The following STON1 variants were observed in gnomAD, a reference collection of about 807,000 sequenced individuals.
STON1 encodes the protein stonin 1, also known as stonin-1.
A neutral mutation model predicts 60.9 loss-of-function variants in STON1; 79 were observed. The observed-to-expected ratio is 1.30, with a 90% CI of 1.08 to 1.56. STON1 has a LOEUF of 1.56. Among genes scored for constraint, STON1 ranks in the 40% most tolerant of loss-of-function variants. The pLI is 0.00. For synonymous variants in STON1, 363 were observed against 306.9 expected (o/e 1.18, Z -1.91); for missense variants, 1,166 against 858.9 (o/e 1.36, Z -4.47).
At position 48,597,447 on chromosome 2, in the gene STON1, T is replaced by C. The variant is rs1674830234; in HGVS notation, c.*2145T>C. On this transcript the variant is annotated 3_prime_UTR_variant, in exon 4 of 4. Transcript: ENST00000404752. ...CATCCTGCCCACAAAGAACTCACAGTCTGATTAGGATGAACTTAATGACTA... is the reference window on the plus strand; with the variant it reads ...CATCCTGCCCACAAAGAACTCACAGCCTGATTAGGATGAACTTAATGACTA... 1 of 152,190 alleles carries C rather than the reference T, an allele frequency of 6.6e-6. No homozygotes were observed. Among genetic ancestry groups the C allele is most frequent in the Admixed American group, 6.5e-5 (1 of 15,280 alleles). The allele number at this position is 152,190 out of a possible 1,614,324, so 9.4% of individuals were successfully genotyped here.
intron 1 of STON1, among the ~76,000 whole-genome samples, chr2:48,554,512 T>G (rs909942789): frequency 2.0e-5 from 3 of 152,152 alleles, no homozygotes; most frequent in Non-Finnish European, 2.9e-5. Flanking sequence ...CGTGAGCCAT[T>G]GCGCCCGGCC....
At chr2:48,586,349 A>T (rs531205680) in intron 2 of STON1, among the ~76,000 whole-genome samples, 9 of 152,352 alleles carry the variant, frequency 5.9e-5, no homozygotes, top group African/African-American at 1.9e-4. Flanking sequence ...TACAGACACA[A>T]ACATGATTCC....
chr2:48,585,081 C>T (rs867743144), intron 2 of STON1, among the ~76,000 whole-genome samples: 2 of 152,206 alleles, frequency 1.3e-5, no homozygotes, highest in African/African-American at 4.8e-5. Context: ...TTCAGTTCCC[C>T]CATACTAGCA....
chr2:48,539,486 G>A (rs971914102), intron 1 of STON1, among the ~76,000 whole-genome samples: 1 of 151,984 alleles, frequency 6.6e-6, no homozygotes, highest in Non-Finnish European at 1.5e-5. Context: ...TAACCCATGT[G>A]TGGTGTTATG....
In STON1 at chr2:48,581,068, A is replaced by T; in HGVS notation, c.435A>T (p.Pro145=). 6.3e-7 allele frequency: 1 copy of T among 1,597,782 alleles called. No homozygotes were observed. The highest frequency in any genetic ancestry group is 8.5e-7 in the Non-Finnish European group (1 of 1,173,716). The change falls in exon 2 of 4, where the codon CCA becomes CCT. Residue 145 remains proline, a synonymous_variant. Coordinates refer to ENST00000404752, the MANE Select transcript of STON1 (RefSeq NM_006873.4). ...LLPSDHSCTH[P]TPKVGLPDEV... ...CCAGTGACCACTCATGTACACATCC[A>T]ACTCCCAAAGTAGGTCTTCCAGATG...
chr2:48,542,868 C>A (rs1671707950), intron 1 of STON1, among the ~76,000 whole-genome samples: 1 of 151,462 alleles, frequency 6.6e-6, no homozygotes, highest in Non-Finnish European at 1.5e-5. Context: ...TGCACCAAGG[C>A]ACTCCCGCCT....
intron 1 of STON1, among the ~76,000 whole-genome samples, chr2:48,561,133 T>G (rs1170645696): frequency 6.6e-6 from 1 of 152,200 alleles, no homozygotes; most frequent in Admixed American, 6.5e-5. Flanking sequence ...CTCTAGCCCT[T>G]GGTTTTCTCT....
At chr2:48,548,570 C>G (rs1671957455) in intron 1 of STON1, among the ~76,000 whole-genome samples, 1 of 151,326 alleles carries the variant, frequency 6.6e-6, no homozygotes, top group South Asian at 2.1e-4. Flanking sequence ...GTGATCTCGG[C>G]TCACTGAAGC....
In STON1 at chr2:48,580,744, A is replaced by G. The variant is rs1673827599; in HGVS notation, c.111A>G (p.Pro37=). The G allele has an allele frequency of 3.2e-6, 5 of 1,545,208 alleles. No individual in the cohort carries two copies. The highest frequency in any genetic ancestry group is 4.4e-6 in the Non-Finnish European group (5 of 1,146,848). Residue 37 remains proline, a synonymous_variant, in exon 2 of 4, where the codon CCA becomes CCG. Coordinates refer to ENST00000404752, the MANE Select transcript of STON1 (RefSeq NM_006873.4). ...TGGAGAATCAAGGTGTCTGTAGACC[A>G]AATGGACTGAAGCTGAACCTTCCTG... is the stretch of plus-strand genomic sequence containing the variant. ...FPLENQGVCR[P]NGLKLNLPGL... is the part of the protein sequence containing the mutation.
At chr2:48,534,683 T>C (rs1671353059) in intron 1 of STON1, among the ~76,000 whole-genome samples, 1 of 152,240 alleles carries the variant, frequency 6.6e-6, no homozygotes, top group Non-Finnish European at 1.5e-5. Context: ...CTCAGGAGGC[T>C]GAGCTGGGAG....
rs147294945 is a variant in STON1 at position 48,552,292 on chromosome 2, G to A, written c.-48+22076G>A. ...ATTCCATTTATATGAGGTACTTAGA[G>A]TAGACAAATTCATGAAGACAGAAGG... is the stretch of plus-strand genomic sequence containing the variant. On this transcript the variant is annotated intron_variant, in intron 1 of 3. Coordinates refer to ENST00000404752, the MANE Select transcript of STON1 (RefSeq NM_006873.4). Among the ~76,000 whole-genome samples the A allele has an allele frequency of 3.8e-3, 581 of 152,318 alleles. 4 individuals are homozygous for A. Among genetic ancestry groups the A allele is most frequent in the African/African-American group, 0.013 (552 of 41,570 alleles).
chr2:48,578,850 C>A (rs1386244431), intron 1 of STON1, among the ~76,000 whole-genome samples: 1 of 151,996 alleles, frequency 6.6e-6, no homozygotes, highest in East Asian at 1.9e-4. Flanking sequence ...CTTGGCCTCC[C>A]AAAGTGCTGG....
At chr2:48,538,763 A>ATTTTTT (rs34052598) in intron 1 of STON1, among the ~76,000 whole-genome samples, 3 of 86,370 alleles carry the variant, frequency 3.5e-5, no homozygotes, top group Non-Finnish European at 6.6e-5. Flanking sequence ...ACACCCAGCT[A>ATTTTTT]TTTTTTTTTT....
At chr2:48,555,312 CG>C (rs562013562) in intron 1 of STON1, among the ~76,000 whole-genome samples, 28 of 11,812 alleles carry the variant, frequency 2.4e-3, no homozygotes, top group East Asian at 5.3e-3. Context: ...GCTGGCCGGG[CG>C]GGGGGGGCTG....
rs370031309 is a variant in STON1, at chr2:48,581,907, G to A, written c.1274G>A (p.Gly425Asp). 3 of 1,613,962 alleles carry A rather than the reference G, an allele frequency of 1.9e-6. No individual in the cohort carries two copies. Among genetic ancestry groups the A allele is most frequent in the Non-Finnish European group, 2.5e-6 (3 of 1,180,024 alleles). The change falls in exon 2 of 4, where the codon GGT becomes GAT. Residue 425 changes from glycine to aspartate, a missense_variant. Gly to Asp is a moderately conservative substitution (Grantham distance 94). Coordinates refer to ENST00000404752, the MANE Select transcript of STON1 (RefSeq NM_006873.4). ...TTGGAAATTGTGGACAACTTTTGGG[G>A]TAAAGTCACAAAAGAAGGAAAATTT... ...ISLEIVDNFW[G>D]KVTKEGKFVE...
intron 1 of STON1, among the ~76,000 whole-genome samples, chr2:48,543,623 C>T (rs1671749069): frequency 6.7e-6 from 1 of 149,528 alleles, no homozygotes; most frequent in African/African-American, 2.5e-5. Context: ...CCTTTGCCTC[C>T]TGGGTTCAAG....
At chr2:48,579,159 A>G (rs556795449) in intron 1 of STON1, among the ~76,000 whole-genome samples, 1 of 151,312 alleles carries the variant, frequency 6.6e-6, no homozygotes. Context: ...GTGTGCCACC[A>G]TGCCCAGCTA....
intron 1 of STON1, among the ~76,000 whole-genome samples, chr2:48,532,145 C>T (rs372371467): frequency 3.9e-5 from 6 of 151,956 alleles, no homozygotes; most frequent in South Asian, 2.1e-4. Flanking sequence ...GTCAGGAGTT[C>T]GAGACCAGCC....
chr2:48,555,196 CA>C (rs1672273131), intron 1 of STON1, among the ~76,000 whole-genome samples: 1 of 105,458 alleles, frequency 9.5e-6, no homozygotes, highest in Admixed American at 9.4e-5. Context: ...TTCTATTCCA[CA>C]AAGCCGCCAT....
Sources: allele counts gnomAD v4.1 joint callset (sites outside exome capture counted in the v4.1 genomes callset), GRCh38; gene constraint gnomAD v4.1.1; transcripts MANE v1.5; gene names NCBI Gene and HGNC (gene_info 2026-07-23, HGNC 2026-07-21).